The following FOXP2 variants were observed in gnomAD, a reference collection of about 807,000 sequenced individuals.
FOXP2 encodes the protein forkhead box P2, also known as forkhead box protein P2.
A neutral mutation model predicts 115.8 loss-of-function variants in FOXP2; 12 were observed. That is an observed-to-expected ratio of 0.10 (90% CI 0.07 to 0.17). The LOEUF is 0.17. FOXP2 is among the 10% of genes least tolerant of loss of function. The probability of loss-of-function intolerance (pLI) is 1.00; values close to 1 mark genes in which losing one functional copy is unlikely to be tolerated. For synonymous variants in FOXP2, 328 were observed against 297.7 expected, an observed-to-expected ratio of 1.10 and a Z score of -1.05; for missense variants, 629 against 843.5, an observed-to-expected ratio of 0.75 and a Z score of 3.15.
intron 1 of FOXP2, among the ~76,000 whole-genome samples, chr7:114,125,650 A>G (rs1018426353): frequency 6.6e-6 from 1 of 152,088 alleles, no homozygotes; most frequent in African/African-American, 2.4e-5. Flanking sequence ...GTAGAGTACA[A>G]AGCTTCACCA....
intron 6 of FOXP2, among the ~76,000 whole-genome samples, chr7:114,639,473 A>T (rs1242262971): frequency 6.6e-6 from 1 of 150,952 alleles, no homozygotes; most frequent in Admixed American, 6.6e-5. Context: ...TGATAACAAG[A>T]GGTAGACTAG....
chr7:114,094,143 A>G (rs1799596737), intron 1 of FOXP2, among the ~76,000 whole-genome samples: 1 of 152,184 alleles, frequency 6.6e-6, no homozygotes, highest in Non-Finnish European at 1.5e-5. Flanking sequence ...CTGTAAGTTT[A>G]CAAATTCTGT....
intron 2 of FOXP2, among the ~76,000 whole-genome samples, chr7:114,509,696 T>A (rs531860276): frequency 6.6e-6 from 1 of 150,820 alleles, no homozygotes; most frequent in South Asian, 2.1e-4. Context: ...TAATAAGGAG[T>A]TCAGTTGATA....
chr7:114,199,135 G>A (rs1441920963), intron 1 of FOXP2, among the ~76,000 whole-genome samples: 2 of 152,030 alleles, frequency 1.3e-5, no homozygotes, highest in Non-Finnish European at 2.9e-5. Context: ...TTCTGCCTTG[G>A]CCTTCCAAAG....
chr7:114,108,383 A>G (rs973666943), intron 1 of FOXP2, among the ~76,000 whole-genome samples: 1 of 151,958 alleles, frequency 6.6e-6, no homozygotes, highest in Non-Finnish European at 1.5e-5. Flanking sequence ...GTTTCCTAAA[A>G]GCAGCCATTA....
intron 6 of FOXP2, among the ~76,000 whole-genome samples, chr7:114,639,151 A>T (rs930119899): frequency 1.3e-5 from 2 of 152,212 alleles, no homozygotes; most frequent in Non-Finnish European, 2.9e-5. Context: ...ACCATCTAAG[A>T]GTCTTAAACT....
intron 1 of FOXP2, among the ~76,000 whole-genome samples, chr7:114,127,233 A>G (rs141639001): frequency 1.3e-5 from 2 of 152,326 alleles, no homozygotes; most frequent in East Asian, 3.9e-4. Context: ...AAGAGAGTCA[A>G]TAGAATCTGC....
chr7:114,664,530 G>C, intron 16 of FOXP2, 94 bp downstream of exon 16: 1 of 1,424,512 alleles, frequency 7.0e-7, no homozygotes, highest in Non-Finnish European at 9.7e-7. Context: ...TGTTGTATAA[G>C]TTGAAAATAC....
chr7:114,279,079 G>A (rs955284864), intron 1 of FOXP2, among the ~76,000 whole-genome samples: 1 of 152,168 alleles, frequency 6.6e-6, no homozygotes, highest in African/African-American at 2.4e-5. Flanking sequence ...TGTTGAGGAA[G>A]CTGTGGATAG....
chr7:114,627,954 C>G (rs1212614488), intron 3 of FOXP2, among the ~76,000 whole-genome samples: 1 of 151,546 alleles, frequency 6.6e-6, no homozygotes, highest in East Asian at 1.9e-4. Context: ...ATATATATAT[C>G]TCCTATATGA....
intron 1 of FOXP2, among the ~76,000 whole-genome samples, chr7:114,124,348 A>C (rs1359952748): frequency 6.6e-6 from 1 of 152,114 alleles, no homozygotes; most frequent in Non-Finnish European, 1.5e-5. Flanking sequence ...TGTAAAAAAC[A>C]ATGGATGTTT....
At chr7:114,295,820 A>G (rs1302167894) in intron 2 of FOXP2, among the ~76,000 whole-genome samples, 2 of 151,914 alleles carry the variant, frequency 1.3e-5, no homozygotes, top group East Asian at 3.9e-4. Flanking sequence ...CTTGGCTCAC[A>G]TTTTCACTGT....
intron 6 of FOXP2, among the ~76,000 whole-genome samples, chr7:114,638,732 G>A (rs184827951): frequency 7.2e-4 from 110 of 152,264 alleles, no homozygotes; most frequent in African/African-American, 2.6e-3. Flanking sequence ...TTTTATTGGT[G>A]TGGGTTGTGG....
At chr7:114,570,460 C>T (rs1801242696) in intron 3 of FOXP2, among the ~76,000 whole-genome samples, 1 of 151,812 alleles carries the variant, frequency 6.6e-6, no homozygotes, top group African/African-American at 2.4e-5. Flanking sequence ...ACATCCCATA[C>T]ACCAAAATTG....
chr7:114,242,530 T>C (rs1221857927), intron 1 of FOXP2, among the ~76,000 whole-genome samples: 1 of 152,080 alleles, frequency 6.6e-6, no homozygotes, highest in Non-Finnish European at 1.5e-5. Flanking sequence ...CCATTATTAA[T>C]TGGACTAGAG....
At chr7:114,514,096 C>A (rs1410481868) in intron 2 of FOXP2, among the ~76,000 whole-genome samples, 35 of 78,820 alleles carry the variant, frequency 4.4e-4, no homozygotes, top group African/African-American at 2.2e-3. Context: ...TACACACACA[C>A]ACACACACAC....
intron 1 of FOXP2, among the ~76,000 whole-genome samples, chr7:114,187,803 C>G (rs1056118614): frequency 6.6e-6 from 1 of 152,094 alleles, no homozygotes; most frequent in African/African-American, 2.4e-5. Flanking sequence ...TTTATTGACT[C>G]ACAGTTCTTG....
intron 2 of FOXP2, among the ~76,000 whole-genome samples, chr7:114,353,292 G>T: frequency 6.9e-6 from 1 of 145,168 alleles, no homozygotes; most frequent in African/African-American, 2.6e-5. Flanking sequence ...TCCTCCGATA[G>T]CCCCCTCTTC....
intron 2 of FOXP2, among the ~76,000 whole-genome samples, chr7:114,533,041 CCTGAGTTCA>C (rs1799214860): frequency 6.6e-6 from 1 of 151,754 alleles, no homozygotes; most frequent in Non-Finnish European, 1.5e-5. Context: ...TAATAAATAG[CCTGAGTTCA>C]CTGGAATGTG....
Sources: gnomAD v4.1 joint callset for allele counts (sites outside exome capture counted in the v4.1 genomes callset) on GRCh38, gnomAD v4.1.1 for gene constraint, MANE v1.5 for transcripts, NCBI Gene and HGNC (gene_info 2026-07-23, HGNC 2026-07-21) for gene names.